The following TGIF1 variants were observed in gnomAD, a reference collection of about 807,000 sequenced individuals.
TGIF1 encodes homeobox protein TGIF1.
A neutral mutation model predicts 19.3 loss-of-function variants in TGIF1; 4 were observed. The observed-to-expected ratio is 0.21, with a 90% CI of 0.10 to 0.47. TGIF1 has a LOEUF of 0.47. TGIF1 is among the 20% of genes least tolerant of loss of function. TGIF1 has a pLI of 0.98. For missense variants in TGIF1, 275 were observed against 341.4 expected, an observed-to-expected ratio of 0.81 and a Z score of 1.53; for synonymous variants, 122 against 129.3, an observed-to-expected ratio of 0.94 and a Z score of 0.38.
At chr18:3,450,617 T>C in intron 1 of TGIF1, 112 bp downstream of exon 1, 1 of 1,540,490 alleles carries the variant, frequency 6.5e-7, no homozygotes, top group Non-Finnish European at 8.7e-7. Flanking sequence ...GGGGCTCTCA[T>C]GCTGGAGTGG....
chr18:3,436,028 T>G (rs891741967), intron 2 of TGIF1, among the ~76,000 whole-genome samples: 1 of 152,184 alleles, frequency 6.6e-6, no homozygotes, highest in African/African-American at 2.4e-5. Context: ...GCACCTGGCC[T>G]TCCTTCGATT....
intron 2 of TGIF1, among the ~76,000 whole-genome samples, chr18:3,426,870 AG>A (rs1417012519): frequency 6.6e-6 from 1 of 152,076 alleles, no homozygotes; most frequent in Non-Finnish European, 1.5e-5. Flanking sequence ...GGTACAGCCA[AG>A]CAGTGGGGTA....
In TGIF1 at chr18:3,459,937, A is replaced by G. The variant is rs1040498942; in HGVS notation, c.*1997A>G. The G allele has an allele frequency of 1.3e-5, 2 of 152,206 alleles. No individual in the cohort carries two copies. The highest frequency in any genetic ancestry group is 6.5e-5 in the Admixed American group (1 of 15,284). The allele number at this position is 152,206 out of a possible 1,614,324, so 9.4% of individuals were successfully genotyped here. ...AAATAGAAATGATTTTTATGCTTAT[A>G]ATTTACATGGTGCAATATATCTTTT... is the stretch of plus-strand genomic sequence containing the variant. On this transcript the variant is annotated 3_prime_UTR_variant, in exon 3 of 3. Coordinates refer to ENST00000343820, the MANE Select transcript of TGIF1 (RefSeq NM_003244.4).
intron 2 of TGIF1, among the ~76,000 whole-genome samples, chr18:3,431,564 A>G (rs1485448434): frequency 6.6e-6 from 1 of 152,218 alleles, no homozygotes; most frequent in African/African-American, 2.4e-5. Flanking sequence ...ACAAATAAGC[A>G]AACAAACAAA....
chr18:3,454,190 G>C (rs1021102899), intron 1 of TGIF1, among the ~76,000 whole-genome samples: 2 of 152,174 alleles, frequency 1.3e-5, no homozygotes, highest in African/African-American at 4.8e-5. Flanking sequence ...GCTGCAGTTT[G>C]GTGTTGCTTA....
rs2049374104 is a variant in TGIF1 at position 3,456,885 on chromosome 18, G to C, written c.243+305G>C. ...GGAAACTGGTTTGATATTTAAACAA[G>C]GACGACTTCAGTGAGGTAATTCATG... On this transcript the variant is annotated intron_variant, in intron 2 of 2. Coordinates refer to ENST00000343820, the MANE Select transcript of TGIF1 (RefSeq NM_003244.4). The surrounding 1 kb of genome is among the most constrained non-coding windows in gnomAD (Gnocchi z 4.2). 1.7e-6 allele frequency: 1 copy of C among 602,136 alleles called. No homozygotes were observed. The highest frequency in any genetic ancestry group is 2.1e-5 in the South Asian group (1 of 48,494). 37.3% of individuals were successfully genotyped at this position (602,136 alleles called of 1,614,324 possible).
intron 1 of TGIF1, chr18:3,415,542 C>A (rs917398655): frequency 2.4e-6 from 1 of 411,432 alleles, no homozygotes; most frequent in East Asian, 6.6e-5. Flanking sequence ...CTTTAGAGCC[C>A]GCAGACCAGG....
At chr18:3,417,580 G>A (rs991204087) in intron 1 of TGIF1, among the ~76,000 whole-genome samples, 1 of 152,092 alleles carries the variant, frequency 6.6e-6, no homozygotes, top group African/African-American at 2.4e-5. Flanking sequence ...AATCCCATTT[G>A]TATTTATATA....
intron 1 of TGIF1, chr18:3,452,427 T>TG (rs1202454844): frequency 6.2e-7 from 1 of 1,612,440 alleles, no homozygotes; most frequent in Non-Finnish European, 8.5e-7. Flanking sequence ...CAGGGCTCTT[T>TG]GGGGGAGCCG....
Position 3,456,895 on chromosome 18 carries a change from A to T in TGIF1, c.243+315A>T. 2 of 601,664 alleles carry T rather than the reference A, an allele frequency of 3.3e-6. No individual in the cohort carries two copies. The highest frequency in any genetic ancestry group is 5.9e-6 in the Non-Finnish European group (2 of 340,804). The allele number at this position is 601,664 out of a possible 1,614,324, so 37.3% of individuals were successfully genotyped here. On this transcript the variant is annotated intron_variant, in intron 2 of 2. Transcript: ENST00000343820. The surrounding 1 kb of genome is among the most constrained non-coding windows in gnomAD (Gnocchi z 4.2). Reference sequence around the variant, plus strand: ...TTGATATTTAAACAAGGACGACTTCAGTGAGGTAATTCATGTTATGTCTGT... The same window carrying T: ...TTGATATTTAAACAAGGACGACTTCTGTGAGGTAATTCATGTTATGTCTGT...
chr18:3,445,754 GAGAAGAAAAGC>G (rs2082735432), upstream of TGIF1, among the ~76,000 whole-genome samples: 1 of 24,792 alleles, frequency 4.0e-5, no homozygotes, highest in African/African-American at 1.7e-4. Flanking sequence ...AAAAAAAAAA[GAGAAGAAAAGC>G]AAAAAAAAAA....
At chr18:3,423,683 CAA>C (rs900658408) in intron 2 of TGIF1, among the ~76,000 whole-genome samples, 4 of 144,872 alleles carry the variant, frequency 2.8e-5, no homozygotes, top group Non-Finnish European at 6.1e-5. Context: ...ACTCCCATCT[CAA>C]AAAAAAAAGA....
intron 2 of TGIF1, among the ~76,000 whole-genome samples, chr18:3,437,599 T>G (rs1418036520): frequency 2.0e-5 from 3 of 152,174 alleles, no homozygotes; most frequent in African/African-American, 7.2e-5. Flanking sequence ...AAACAGCAAT[T>G]TTCGTATGAA....
chr18:3,436,936 C>A (rs958579846), intron 2 of TGIF1, among the ~76,000 whole-genome samples: 1 of 151,674 alleles, frequency 6.6e-6, no homozygotes, highest in Admixed American at 6.6e-5. Flanking sequence ...GAAACTCCAT[C>A]TCTACTAAAA....
chr18:3,452,458 G>C, intron 1 of TGIF1: 1 of 1,600,840 alleles, frequency 6.2e-7, no homozygotes. Context: ...GGTTACCCGG[G>C]TTTCTTTCCC....
At chr18:3,446,400 T>A (rs1299077123), upstream of TGIF1, among the ~76,000 whole-genome samples, 1 of 152,156 alleles carries the variant, frequency 6.6e-6, no homozygotes, top group Non-Finnish European at 1.5e-5. Flanking sequence ...GTCAGGCTGG[T>A]CTCAAACTCC....
rs57205118 is a variant in TGIF1, at chr18:3,444,286, C to CTT, written c.-44-12054_-44-12053dup. On this transcript the variant is annotated intron_variant, in intron 2 of 3. Transcript: ENST00000401449. ...TATTCTTATAGTCTCACTTTCTTTT[C>CTT]TTTTTTTTTTTTTTTGTCTTTTTAA... Among the ~76,000 whole-genome samples the CTT allele has an allele frequency of 4.3e-3, 521 of 122,030 alleles. 2 individuals are homozygous for CTT. Among genetic ancestry groups the CTT allele is most frequent in the South Asian group, 0.015 (61 of 4,132 alleles). 80.1% of individuals were successfully genotyped at this position (122,030 alleles called of 152,430 possible). A position where few individuals can be genotyped will look rare whatever the true frequency, so the allele number is the denominator to read the frequency against.
upstream of TGIF1, among the ~76,000 whole-genome samples, chr18:3,449,099 G>A (rs1555649096): frequency 6.6e-6 from 1 of 152,162 alleles, no homozygotes; most frequent in Non-Finnish European, 1.5e-5. Flanking sequence ...CAGCCAAACA[G>A]CATCTGGTCT....
Position 3,457,269 on chromosome 18 carries a change from A to T in TGIF1, c.244-96A>T. ...AGGCTTTTCATGCTTTCTTTAATTC[A>T]GAGAGCAAGATCAATTAGGTACCCC... On this transcript the variant is annotated intron_variant, in intron 2 of 2. Coordinates refer to ENST00000343820, the MANE Select transcript of TGIF1 (RefSeq NM_003244.4). The surrounding 1 kb of genome is among the most constrained non-coding windows in gnomAD (Gnocchi z 4.9). 1 of 1,287,760 alleles carries T rather than the reference A, an allele frequency of 7.8e-7. No individual in the cohort carries two copies. The highest frequency in any genetic ancestry group is 1.1e-6 in the Non-Finnish European group (1 of 906,122). The allele number at this position is 1,287,760 out of a possible 1,614,324, so 79.8% of individuals were successfully genotyped here. A position where few individuals can be genotyped will look rare whatever the true frequency, so the allele number is the denominator to read the frequency against.
Sources: allele counts gnomAD v4.1 joint callset (sites outside exome capture counted in the v4.1 genomes callset), GRCh38; gene constraint gnomAD v4.1.1; non-coding constraint Gnocchi (gnomAD v3.1); transcripts MANE v1.5; gene names NCBI Gene and HGNC (gene_info 2026-07-23, HGNC 2026-07-21).